The following SYNM variants were observed in gnomAD, a reference collection of about 807,000 sequenced individuals.
SYNM encodes the protein synemin, also known as desmuslin.
A neutral mutation model predicts 104.0 loss-of-function variants in SYNM; 95 were observed. That is an observed-to-expected ratio of 0.91 (90% CI 0.77 to 1.08). The LOEUF (loss-of-function observed/expected upper bound fraction) is 1.08, where lower values mean the gene tolerates loss of function less well. Ranked by LOEUF, SYNM falls within the 50% of genes least tolerant of loss-of-function variation. The pLI, the probability that SYNM is intolerant of heterozygous loss-of-function variation, is 0.00. For synonymous variants in SYNM, 918 were observed against 869.0 expected, an observed-to-expected ratio of 1.06 and a Z score of -0.99; for missense variants, 2,150 against 2,052.2, an observed-to-expected ratio of 1.05 and a Z score of -0.92.
At chr15:99,139,888 G>T (rs2068028629), downstream of SYNM, 2 of 554,656 alleles carry the variant, frequency 3.6e-6, no homozygotes, top group African/African-American at 2.0e-5. Flanking sequence ...GACTACCCAG[G>T]GCTGGCTTTG....
intron 2 of SYNM, among the ~76,000 whole-genome samples, chr15:99,126,337 C>T (rs1454920889): frequency 6.6e-6 from 1 of 152,210 alleles, no homozygotes; most frequent in African/African-American, 2.4e-5. Flanking sequence ...GCCCTCTAGC[C>T]TGGGGCCCAC....
intron 1 of SYNM, among the ~76,000 whole-genome samples, chr15:99,108,412 C>T (rs1555483069): frequency 6.6e-6 from 1 of 152,106 alleles, no homozygotes; most frequent in Non-Finnish European, 1.5e-5. Flanking sequence ...AGATTCAGCA[C>T]CAATCACAGA....
rs376187806 is a variant in SYNM, at chr15:99,132,763, A to G, written c.4403A>G (p.Asn1468Ser). 1 of 1,613,866 alleles carries G rather than the reference A, an allele frequency of 6.2e-7. No individual in the cohort carries two copies. Among genetic ancestry groups the G allele is most frequent in the East Asian group, 2.2e-5 (1 of 44,856 alleles). Residue 1468 changes from asparagine to serine, a missense_variant, in exon 4 of 4, where the codon AAC becomes AGC. Coordinates refer to ENST00000336292, the MANE Select transcript of SYNM (RefSeq NM_145728.3). Reference sequence around the variant, plus strand: ...TTTACCTTTCAGATGGATGTGAGTAACGTAGAGGCGATCCGCAGCCGGACA... The same window carrying G: ...TTTACCTTTCAGATGGATGTGAGTAGCGTAGAGGCGATCCGCAGCCGGACA... ...TSFTFQMDVS[N>S]VEAIRSRTQE...
In SYNM at chr15:99,129,759, A is replaced by G. The variant is rs782526938; in HGVS notation, c.1399A>G (p.Ile467Val). 2 of 1,613,682 alleles carry G rather than the reference A, an allele frequency of 1.2e-6. No homozygotes were observed. The highest frequency in any genetic ancestry group is 8.5e-7 in the Non-Finnish European group (1 of 1,179,866). Residue 467 changes from isoleucine (I) to valine (V), a missense_variant, in exon 4 of 4, where the codon ATT (isoleucine) becomes GTT (valine). Physicochemically the swap from Ile to Val is conservative, Grantham distance 29. Transcript: ENST00000336292. Reference sequence around the variant, plus strand: ...CGTTTACATAGGTGAAGATTCCACAATTGCCCGCGAGTCGTACCGGGATCG... The same window carrying G: ...CGTTTACATAGGTGAAGATTCCACAGTTGCCCGCGAGTCGTACCGGGATCG... ...VPVYIGEDST[I>V]ARESYRDRRD...
At chr15:99,136,484 T>C (rs1277129530), downstream of SYNM, 1 of 152,270 alleles carries the variant, frequency 6.6e-6, no homozygotes, top group Non-Finnish European at 1.5e-5. Flanking sequence ...CATTTCCTGG[T>C]GAGGGCTCTC....
Position 99,133,029 on chromosome 15 carries a change from G to C in SYNM, c.4669G>C (p.Glu1557Gln). The change falls in exon 4 of 4, where the codon GAG (glutamate) becomes CAG (glutamine). Residue 1557 changes from glutamate (E) to glutamine (Q), a missense_variant. Glu to Gln is a conservative substitution (Grantham distance 29, BLOSUM62 2). Coordinates refer to ENST00000336292, the MANE Select transcript of SYNM (RefSeq NM_145728.3). ...TGCCCTCCTCTATCTAGACAATGAGGAGGAGGAGAATGATGGGCATTGGTT... is the reference window on the plus strand; with the variant it reads ...TGCCCTCCTCTATCTAGACAATGAGCAGGAGGAGAATGATGGGCATTGGTT... ...KVALLYLDNE[E>Q]EENDGHWF 1 of 1,613,892 alleles carries C rather than the reference G, an allele frequency of 6.2e-7. No homozygotes were observed. The highest frequency in any genetic ancestry group is 8.5e-7 in the Non-Finnish European group (1 of 1,179,902).
At chr15:99,120,804 G>A (rs1555484452) in intron 2 of SYNM, among the ~76,000 whole-genome samples, 1 of 152,192 alleles carries the variant, frequency 6.6e-6, no homozygotes, top group African/African-American at 2.4e-5. Flanking sequence ...GAAAGACGGG[G>A]AAGTGTGAGC....
intron 2 of SYNM, among the ~76,000 whole-genome samples, 160 bp from the exon 3 acceptor site, chr15:99,126,562 C>G (rs1305001557): frequency 6.6e-6 from 1 of 152,232 alleles, no homozygotes; most frequent in Non-Finnish European, 1.5e-5. Flanking sequence ...GGTGGGCTTG[C>G]CAGCCCTATG....
rs782355738 is a variant in SYNM, at chr15:99,132,423, A to G, written c.4063A>G (p.Thr1355Ala). Residue 1355 changes from threonine (T) to alanine (A), a missense_variant, in exon 4 of 4, where the codon ACT (threonine) becomes GCT (alanine). Coordinates refer to ENST00000336292, the MANE Select transcript of SYNM (RefSeq NM_145728.3). ...GEGSADVHQA[T>A]HSHTSGRQTV... ...GGGCTCAGCAGATGTGCACCAGGCCACTCACAGTCATACCTCGGGTAGACA... is the reference window on the plus strand; with the variant it reads ...GGGCTCAGCAGATGTGCACCAGGCCGCTCACAGTCATACCTCGGGTAGACA... 1.2e-6 allele frequency: 2 copies of G among 1,613,966 alleles called. No homozygotes were observed. Among genetic ancestry groups the G allele is most frequent in the Non-Finnish European group, 1.7e-6 (2 of 1,179,874 alleles).
Position 99,105,085 on chromosome 15 carries a change from G to A in SYNM, c.-115G>A. ...GGCTCTCCCGCTCGCGTCCCAGTCT[G>A]CGGGCCTCCGGGGCAGCGGCGAGGC... On this transcript the variant is annotated 5_prime_UTR_variant, in exon 1 of 4. Transcript: ENST00000336292. 8.1e-7 allele frequency: 1 copy of A among 1,238,830 alleles called. No homozygotes were observed. The highest frequency in any genetic ancestry group is 2.9e-5 in the East Asian group (1 of 34,766). 76.7% of individuals were successfully genotyped at this position (1,238,830 alleles called of 1,614,324 possible).
At chr15:99,108,514 G>C (rs959508885) in intron 1 of SYNM, among the ~76,000 whole-genome samples, 7 of 152,154 alleles carry the variant, frequency 4.6e-5, no homozygotes, top group Admixed American at 1.3e-4. Flanking sequence ...ACTATGGGGA[G>C]AGTGAAAAAA....
At chr15:99,123,073 G>T (rs1415186606) in intron 2 of SYNM, among the ~76,000 whole-genome samples, 2 of 152,166 alleles carry the variant, frequency 1.3e-5, no homozygotes, top group African/African-American at 2.4e-5. Context: ...GACAGCCATG[G>T]TTCTGAGAAC....
At chr15:99,135,917 A>T (rs1377734023), downstream of SYNM, among the ~76,000 whole-genome samples, 1 of 152,186 alleles carries the variant, frequency 6.6e-6, no homozygotes, top group Non-Finnish European at 1.5e-5. Context: ...CCCATTTGGG[A>T]TGGAGAGGTT....
rs1555486580 is a variant in SYNM at position 99,135,389 on chromosome 15, C to G, written c.*2331C>G. ...TGGTTGGATGGGGCCGGAACACAACCAGTCTTTTTGTATTTATTGTTACTG... is the reference window on the plus strand; with the variant it reads ...TGGTTGGATGGGGCCGGAACACAACGAGTCTTTTTGTATTTATTGTTACTG... On this transcript the variant is annotated 3_prime_UTR_variant, in exon 4 of 4. Transcript: ENST00000336292. 6.6e-6 allele frequency: 1 copy of G among 152,576 alleles called. No homozygotes were observed. The highest frequency in any genetic ancestry group is 2.4e-5 in the African/African-American group (1 of 41,418). The allele number at this position is 152,576 out of a possible 1,614,324, so 9.5% of individuals were successfully genotyped here.
chr15:99,127,612 A>G (rs2067459484), intron 3 of SYNM, among the ~76,000 whole-genome samples: 1 of 152,230 alleles, frequency 6.6e-6, no homozygotes, highest in Admixed American at 6.5e-5. Flanking sequence ...GGTTCTAGTC[A>G]TCTATAACTG....
chr15:99,113,496 T>C (rs1480626854), intron 1 of SYNM, 95 bp from the exon 2 acceptor site: 2 of 1,516,892 alleles, frequency 1.3e-6, no homozygotes, highest in African/African-American at 2.7e-5. Flanking sequence ...ATAACCCTGG[T>C]CTGTTTTTCA....
Position 99,131,201 on chromosome 15 carries a change from G to A in SYNM, c.2841G>A (p.Gln947=), listed in dbSNP as rs782540661. 8.7e-6 allele frequency: 14 copies of A among 1,608,628 alleles called. No homozygotes were observed. Among genetic ancestry groups the A allele is most frequent in the Non-Finnish European group, 8.5e-7 (1 of 1,177,580 alleles). The change falls in exon 4 of 4, where the codon CAG becomes CAA. Residue 947 remains glutamine, a synonymous_variant. Transcript: ENST00000336292. The surrounding 1 kb of genome is among the most constrained non-coding windows in gnomAD (Gnocchi z 4.3). Reference sequence around the variant, plus strand: ...GCATCTCCTCCAAGGAGCCCCGGCAGCAGCTGGTGGAGGTCATCGGGCAGC... The same window carrying A: ...GCATCTCCTCCAAGGAGCCCCGGCAACAGCTGGTGGAGGTCATCGGGCAGC... ...MKGISSKEPR[Q]QLVEVIGQLE...
Position 99,105,302 on chromosome 15 carries a change from G to A in SYNM, c.103G>A (p.Glu35Lys), listed in dbSNP as rs537499880. 2.5e-5 allele frequency: 38 copies of A among 1,548,864 alleles called. No individual in the cohort carries two copies. The Admixed American group carries it at 2.5e-4, about 10-fold the overall frequency. The change falls in exon 1 of 4, where the codon GAA (glutamate) becomes AAA (lysine). Residue 35 changes from glutamate (E) to lysine (K), a missense_variant. Physicochemically the swap from Glu to Lys is moderately conservative, Grantham distance 56. Coordinates refer to ENST00000336292, the MANE Select transcript of SYNM (RefSeq NM_145728.3). ...GTGTCGGGTGCGGGAGCTGGAGCGC[G>A]AAAACCTACTCCTGGAGGAGGAGCT... ...YVCRVRELER[E>K]NLLLEEELRG...
the SYNM span, among the ~76,000 whole-genome samples, chr15:99,141,713 A>G: frequency 2.0e-5 from 3 of 152,206 alleles, no homozygotes; most frequent in Admixed American, 6.5e-5. Flanking sequence ...AAGCAGCCAA[A>G]TGCCTTTGTC....
Sources: allele counts gnomAD v4.1 joint callset (sites outside exome capture counted in the v4.1 genomes callset), GRCh38; gene constraint gnomAD v4.1.1; non-coding constraint Gnocchi (gnomAD v3.1); transcripts MANE v1.5; gene names NCBI Gene and HGNC (gene_info 2026-07-23, HGNC 2026-07-21).